The following DPF3 variants were observed in gnomAD, a reference collection of about 807,000 sequenced individuals.
DPF3 encodes the protein zinc finger protein DPF3.
DPF3 carries 18 observed loss-of-function variants against 56.8 expected under a neutral mutation model. The observed-to-expected ratio is 0.32, with a 90% confidence interval of 0.22 to 0.47. The LOEUF (loss-of-function observed/expected upper bound fraction) is 0.47. DPF3 is among the 20% of genes least tolerant of loss of function. The pLI is 1.00. For synonymous variants in DPF3, 188 were observed against 180.2 expected (o/e 1.04, Z -0.35); for missense variants, 403 against 488.8 (o/e 0.82, Z 1.65).
At chr14:72,777,608 G>A (rs778993071) in intron 1 of DPF3, among the ~76,000 whole-genome samples, 1 of 152,172 alleles carries the variant, frequency 6.6e-6, no homozygotes, top group Non-Finnish European at 1.5e-5. Flanking sequence ...CAACTCTGGG[G>A]GTGGGGCCTA....
intron 1 of DPF3, among the ~76,000 whole-genome samples, chr14:72,776,833 C>T (rs1891759984): frequency 6.6e-6 from 1 of 151,810 alleles, no homozygotes; most frequent in South Asian, 2.1e-4. Context: ...GAAGCCTGCT[C>T]CCGCCCACTC....
At chr14:72,893,168 G>A (rs1834465051) in intron 1 of DPF3, among the ~76,000 whole-genome samples, 5 of 152,128 alleles carry the variant, frequency 3.3e-5, no homozygotes, top group Admixed American at 3.3e-4. Flanking sequence ...AGAGGCACCT[G>A]CCCCTCGCCC....
intron 6 of DPF3, among the ~76,000 whole-genome samples, chr14:72,701,551 C>T (rs956590888): frequency 6.0e-4 from 91 of 152,176 alleles, no homozygotes; most frequent in East Asian, 1.9e-4. Context: ...GGGCGGGGGT[C>T]GGGGGGAGCA....
intron 8 of DPF3, among the ~76,000 whole-genome samples, chr14:72,667,660 T>C (rs1028142567): frequency 2.0e-5 from 3 of 152,218 alleles, no homozygotes; most frequent in Non-Finnish European, 4.4e-5. Context: ...GAAGTGATGA[T>C]TAAGAAGGTA....
chr14:72,691,532 T>A (rs1201831890), intron 7 of DPF3, among the ~76,000 whole-genome samples: 1 of 151,948 alleles, frequency 6.6e-6, no homozygotes, highest in Non-Finnish European at 1.5e-5. Flanking sequence ...ATCGAGACCA[T>A]CCTGGCCAAC....
chr14:72,709,005 T>G (rs1888539592), intron 6 of DPF3, among the ~76,000 whole-genome samples: 1 of 152,150 alleles, frequency 6.6e-6, no homozygotes, highest in African/African-American at 2.4e-5. Context: ...GAACCAGGAC[T>G]AAACGTCCAG....
chr14:72,629,371 A>G (rs1332214752), intron 9 of DPF3, among the ~76,000 whole-genome samples: 3 of 152,234 alleles, frequency 2.0e-5, no homozygotes, highest in Admixed American at 6.5e-5. Flanking sequence ...TGCACTTATT[A>G]TATTTAACAT....
chr14:72,754,728 C>T (rs1368381339), intron 2 of DPF3, among the ~76,000 whole-genome samples: 1 of 152,180 alleles, frequency 6.6e-6, no homozygotes, highest in Non-Finnish European at 1.5e-5. Context: ...ATGTAACTTT[C>T]ATTGCTATAT....
intron 9 of DPF3, 88 bp downstream of exon 9, chr14:72,629,536 G>A (rs1885044371): frequency 7.7e-7 from 1 of 1,293,142 alleles, no homozygotes; most frequent in African/African-American, 1.5e-5. Context: ...CAGGGGCCTA[G>A]TGACAAGAGT....
chr14:72,765,777 C>A (rs934719266), intron 2 of DPF3, among the ~76,000 whole-genome samples: 13 of 152,126 alleles, frequency 8.5e-5, no homozygotes, highest in Non-Finnish European at 1.8e-4. Context: ...GAAACCCCAT[C>A]TCTACTAAAA....
intron 1 of DPF3, among the ~76,000 whole-genome samples, chr14:72,778,436 C>T (rs192761629): frequency 3.2e-4 from 48 of 152,150 alleles, no homozygotes; most frequent in Non-Finnish European, 6.6e-4. Flanking sequence ...TCCCATCAAC[C>T]CCAGATGAGA....
chr14:72,662,899 G>C (rs1886275068), intron 8 of DPF3: 1 of 878,304 alleles, frequency 1.1e-6, no homozygotes, highest in Non-Finnish European at 1.4e-6. Context: ...ACTTAAAAAA[G>C]AAAGATGAAA....
At chr14:72,862,450 T>G (rs546297025) in intron 1 of DPF3, among the ~76,000 whole-genome samples, 2 of 152,222 alleles carry the variant, frequency 1.3e-5, no homozygotes, top group African/African-American at 4.8e-5. Context: ...CAAAATGTAC[T>G]CAGAATCAGC....
chr14:72,693,671 A>G (rs1887794149), intron 6 of DPF3, among the ~76,000 whole-genome samples: 1 of 152,194 alleles, frequency 6.6e-6, no homozygotes. Context: ...TACCCAATCC[A>G]ACATCCCATG....
chr14:72,809,187 A>G (rs941967403), intron 1 of DPF3, among the ~76,000 whole-genome samples: 12 of 152,378 alleles, frequency 7.9e-5, no homozygotes, highest in African/African-American at 2.6e-4. Flanking sequence ...GGACAGGGCC[A>G]TGCCCTTGAA....
intron 8 of DPF3, among the ~76,000 whole-genome samples, chr14:72,653,415 C>A (rs776407116): frequency 2.6e-5 from 4 of 152,146 alleles, no homozygotes; most frequent in Non-Finnish European, 4.4e-5. Context: ...AGGAGCCTAC[C>A]GACAAGGTGA....
chr14:72,879,459 G>A (rs931842896), intron 1 of DPF3, among the ~76,000 whole-genome samples: 2 of 152,062 alleles, frequency 1.3e-5, no homozygotes, highest in African/African-American at 4.8e-5. Context: ...ACTAACTCCT[G>A]TCAATTATTT....
At chr14:72,698,635 T>A (rs1277802589) in intron 6 of DPF3, among the ~76,000 whole-genome samples, 1 of 152,132 alleles carries the variant, frequency 6.6e-6, no homozygotes, top group Admixed American at 6.5e-5. Context: ...TGTAGTTAGC[T>A]GAGATCACAC....
chr14:72,836,497 T>C, intron 1 of DPF3: 1 of 985,474 alleles, frequency 1.0e-6, no homozygotes, highest in Non-Finnish European at 1.2e-6. Context: ...AGGTCTTCCC[T>C]TGGGGTTCTG....
Sources: gnomAD v4.1 joint callset for allele counts (sites outside exome capture counted in the v4.1 genomes callset) on GRCh38, gnomAD v4.1.1 for gene constraint, MANE v1.5 for transcripts, NCBI Gene and HGNC (gene_info 2026-07-23, HGNC 2026-07-21) for gene names.